Variants in KMT5C observed in about 807,000 individuals in gnomAD.
KMT5C encodes histone-lysine N-methyltransferase KMT5C.
KMT5C carries 16 observed loss-of-function variants against 38.2 expected under a neutral mutation model. The observed-to-expected ratio is 0.42, with a 90% CI of 0.28 to 0.64. The LOEUF (loss-of-function observed/expected upper bound fraction) is 0.64, where lower values mean the gene tolerates loss of function less well. Ranked by LOEUF, KMT5C falls within the 30% of genes least tolerant of loss-of-function variation. The probability of loss-of-function intolerance (pLI) is 0.23; values close to 1 mark genes in which losing one functional copy is unlikely to be tolerated. For synonymous variants in KMT5C, 291 were observed against 279.0 expected (o/e 1.04, Z -0.43); for missense variants, 598 against 665.1 (o/e 0.90, Z 1.11).
rs376228080 is a variant in KMT5C, at chr19:55,346,991, G to A, written c.931G>A (p.Ala311Thr). 2.1e-5 allele frequency: 25 copies of A among 1,209,466 alleles called. No individual in the cohort carries two copies. Among genetic ancestry groups the A allele is most frequent in the Middle Eastern group, 2.5e-4 (1 of 3,932 alleles). 74.9% of individuals were successfully genotyped at this position (1,209,466 alleles called of 1,614,324 possible). ...CQPLRLPACS[A>T]RPDTSPLWLQ... ...GCCCCTGCGCCTGCCAGCCTGCAGC[G>A]CCCGCCCAGACACCTCACCCCTCTG... Residue 311 changes from alanine to threonine, a missense_variant, in exon 9 of 9, where the codon GCC (alanine) becomes ACC (threonine). Ala to Thr is a moderately conservative substitution (Grantham distance 58, BLOSUM62 0). This residue lies in a region of KMT5C where 326 missense variants were observed against 298.1 expected (regional missense o/e 1.09). Transcript: ENST00000255613.
In KMT5C at chr19:55,347,632, G is replaced by A. The variant is rs906046269; in HGVS notation, c.*183G>A. 3 of 1,027,160 alleles carry A rather than the reference G, an allele frequency of 2.9e-6. No homozygotes were observed. Among genetic ancestry groups the A allele is most frequent in the African/African-American group, 3.4e-5 (2 of 59,280 alleles). The allele number at this position is 1,027,160 out of a possible 1,614,324, so 63.6% of individuals were successfully genotyped here. On this transcript the variant is annotated 3_prime_UTR_variant, in exon 9 of 9. Coordinates refer to ENST00000255613, the MANE Select transcript of KMT5C (RefSeq NM_032701.4). The surrounding 1 kb of genome is among the most constrained non-coding windows in gnomAD (Gnocchi z 4.6). ...ATCTGAGCCCTGACCCTTTGTGACTGCTGACCCCTGAGCCACCCCCACTCC... is the reference window on the plus strand; with the variant it reads ...ATCTGAGCCCTGACCCTTTGTGACTACTGACCCCTGAGCCACCCCCACTCC...
Position 55,347,158 on chromosome 19 carries a change from C to G in KMT5C, c.1098C>G (p.Cys366Trp). 2 of 1,536,628 alleles carry G rather than the reference C, an allele frequency of 1.3e-6. No individual in the cohort carries two copies. Among genetic ancestry groups the G allele is most frequent in the Non-Finnish European group, 1.7e-6 (2 of 1,147,112 alleles). The change falls in exon 9 of 9, where the codon TGC becomes TGG. Residue 366 changes from cysteine (C) to tryptophan (W), a missense_variant. This residue lies in a region of KMT5C where 326 missense variants were observed against 298.1 expected (regional missense o/e 1.09). Transcript: ENST00000255613. The surrounding 1 kb of genome is among the most constrained non-coding windows in gnomAD (Gnocchi z 4.6). ...LHRWGGCGPH[C>W]RLRGEALVAL... ...GATGGGGAGGCTGTGGCCCCCACTGCCGCCTGCGAGGAGAGGCCCTGGTGG... is the reference window on the plus strand; with the variant it reads ...GATGGGGAGGCTGTGGCCCCCACTGGCGCCTGCGAGGAGAGGCCCTGGTGG...
intron 6 of KMT5C, 61 bp from the exon 7 acceptor site, chr19:55,346,152 G>C: frequency 6.2e-7 from 1 of 1,603,624 alleles, no homozygotes; most frequent in South Asian, 1.1e-5. Context: ...GCCAGGTGTG[G>C]GGAGTGGGTG....
chr19:55,343,219 G>T lies in KMT5C; in HGVS notation c.386+368G>T, dbSNP rs1186444734. The T allele has an allele frequency of 1.3e-5, 4 of 309,988 alleles. No homozygotes were observed. The highest frequency in any genetic ancestry group is 2.1e-5 in the African/African-American group (1 of 46,786). The allele number at this position is 309,988 out of a possible 1,614,324, so 19.2% of individuals were successfully genotyped here. A position where few individuals can be genotyped will look rare whatever the true frequency, so the allele number is the denominator to read the frequency against. On this transcript the variant is annotated intron_variant, in intron 4 of 8. Coordinates refer to ENST00000255613, the MANE Select transcript of KMT5C (RefSeq NM_032701.4). This position sits in a 1 kb window ranked among gnomAD's most constrained non-coding sequence, Gnocchi z 5.5. The stretch of plus-strand genomic sequence containing the variant: ...GGGGTTCACAGTCTGGTGAGGAGGT[G>T]GGGGGCAGACAAGTCAACATGCAGT...
At chr19:55,342,173 G>A in intron 2 of KMT5C, 42 bp from the exon 3 acceptor site, 2 of 1,598,200 alleles carry the variant, frequency 1.3e-6, no homozygotes, top group Non-Finnish European at 1.7e-6. Context: ...TGGGGCCGGG[G>A]CCCGGGAAGG....
In KMT5C at chr19:55,343,438, C is replaced by CG. The variant is rs1234958628; in HGVS notation, c.387-242_387-241insG. 5.3e-6 allele frequency: 3 copies of CG among 568,544 alleles called. No individual in the cohort carries two copies. Among genetic ancestry groups the CG allele is most frequent in the Non-Finnish European group, 9.5e-6 (3 of 317,284 alleles). 35.2% of individuals were successfully genotyped at this position (568,544 alleles called of 1,614,324 possible). A position where few individuals can be genotyped will look rare whatever the true frequency, so the allele number is the denominator to read the frequency against. On this transcript the variant is annotated intron_variant, in intron 4 of 8. Coordinates refer to ENST00000255613, the MANE Select transcript of KMT5C (RefSeq NM_032701.4). This position sits in a 1 kb window ranked among gnomAD's most constrained non-coding sequence, Gnocchi z 5.5. Reference sequence around the variant, plus strand: ...GGGGAGAGAATGGGGGCTGTATCTGCTGTGTGCGTGCTGCCCTGAAGGCTT... The same window carrying CG: ...GGGGAGAGAATGGGGGCTGTATCTGCGTGTGTGCGTGCTGCCCTGAAGGCTT...
Position 55,343,184 on chromosome 19 carries a change from C to A in KMT5C, c.386+333C>A. The A allele has an allele frequency of 5.6e-6, 2 of 359,412 alleles. No individual in the cohort carries two copies. Among genetic ancestry groups the A allele is most frequent in the Non-Finnish European group, 1.0e-5 (2 of 192,190 alleles). The allele number at this position is 359,412 out of a possible 1,614,324, so 22.3% of individuals were successfully genotyped here. On this transcript the variant is annotated intron_variant, in intron 4 of 8. Transcript: ENST00000255613. The surrounding 1 kb of genome is among the most constrained non-coding windows in gnomAD (Gnocchi z 5.5). ...TGAGTGCAATGAGGAGCCCCTGCCC[C>A]TGCCCCTGCGGGGTTCACAGTCTGG...
rs1459338899 is a variant in KMT5C at position 55,347,148 on chromosome 19, G to T, written c.1088G>T (p.Gly363Val). 6.5e-7 allele frequency: 1 copy of T among 1,537,452 alleles called. No individual in the cohort carries two copies. Among genetic ancestry groups the T allele is most frequent in the East Asian group, 2.4e-5 (1 of 41,070 alleles). ...RVSLHRWGGC[G>V]PHCRLRGEAL... ...TCCCTGCACCGATGGGGAGGCTGTG[G>T]CCCCCACTGCCGCCTGCGAGGAGAG... Residue 363 changes from glycine to valine, a missense_variant, in exon 9 of 9, where the codon GGC (glycine) becomes GTC (valine). Gly to Val is a moderately radical substitution (Grantham distance 109). Around this residue, in one of 3 missense-constraint regions of KMT5C, gnomAD observed 326 missense variants for 298.1 expected, o/e 1.09. Transcript: ENST00000255613. This position sits in a 1 kb window ranked among gnomAD's most constrained non-coding sequence, Gnocchi z 4.6.
Position 55,343,236 on chromosome 19 carries a change from A to T in KMT5C, c.386+385A>T. 1 of 307,712 alleles carries T rather than the reference A, an allele frequency of 3.2e-6. No individual in the cohort carries two copies. The highest frequency in any genetic ancestry group is 6.2e-6 in the Non-Finnish European group (1 of 160,312). 19.1% of individuals were successfully genotyped at this position (307,712 alleles called of 1,614,324 possible). A position where few individuals can be genotyped will look rare whatever the true frequency, so the allele number is the denominator to read the frequency against. On this transcript the variant is annotated intron_variant, in intron 4 of 8. Coordinates refer to ENST00000255613, the MANE Select transcript of KMT5C (RefSeq NM_032701.4). This position sits in a 1 kb window ranked among gnomAD's most constrained non-coding sequence, Gnocchi z 5.5. The stretch of plus-strand genomic sequence containing the variant: ...GAGGAGGTGGGGGGCAGACAAGTCA[A>T]CATGCAGTCACTGGTCCCAGCTGGT...
Position 55,347,119 on chromosome 19 carries a change from C to A in KMT5C, c.1059C>A (p.Arg353=), listed in dbSNP as rs748167872. The part of the protein sequence containing the change: ...APVLSTHHAA[R]VSLHRWGGCG... ...TGCTCTCCACCCACCACGCTGCCCG[C>A]GTCTCCCTGCACCGATGGGGAGGCT... is the stretch of plus-strand genomic sequence containing the variant. Residue 353 remains arginine, a synonymous_variant, in exon 9 of 9, where the codon CGC becomes CGA. Coordinates refer to ENST00000255613, the MANE Select transcript of KMT5C (RefSeq NM_032701.4). The surrounding 1 kb of genome is among the most constrained non-coding windows in gnomAD (Gnocchi z 4.6). The A allele has an allele frequency of 1.4e-5, 21 of 1,547,594 alleles. No individual in the cohort carries two copies. Among genetic ancestry groups the A allele is most frequent in the Non-Finnish European group, 1.7e-5 (20 of 1,153,832 alleles).
chr19:55,347,117 C>T lies in KMT5C; in HGVS notation c.1057C>T (p.Arg353Cys), dbSNP rs543807392. ...APVLSTHHAARVSLHRWGGCG... is the reference protein window; with the variant it reads ...APVLSTHHAACVSLHRWGGCG... ...AGTGCTCTCCACCCACCACGCTGCC[C>T]GCGTCTCCCTGCACCGATGGGGAGG... Residue 353 changes from arginine to cysteine, a missense_variant, in exon 9 of 9, where the codon CGC becomes TGC. Physicochemically the swap from Arg to Cys is radical, Grantham distance 180 (BLOSUM62 -3). Transcript: ENST00000255613. This position sits in a 1 kb window ranked among gnomAD's most constrained non-coding sequence, Gnocchi z 4.6. The T allele has an allele frequency of 6.1e-5, 94 of 1,549,842 alleles. No individual in the cohort carries two copies. In the African/African-American group the frequency reaches 8.1e-4, roughly 13 times the overall value.
rs2089583646 is a variant in KMT5C at position 55,343,467 on chromosome 19, G to C, written c.387-213G>C. The C allele has an allele frequency of 1.7e-6, 1 of 595,796 alleles. No homozygotes were observed. Among genetic ancestry groups the C allele is most frequent in the South Asian group, 2.0e-5 (1 of 50,184 alleles). The allele number at this position is 595,796 out of a possible 1,614,324, so 36.9% of individuals were successfully genotyped here. On this transcript the variant is annotated intron_variant, in intron 4 of 8. Coordinates refer to ENST00000255613, the MANE Select transcript of KMT5C (RefSeq NM_032701.4). This position sits in a 1 kb window ranked among gnomAD's most constrained non-coding sequence, Gnocchi z 5.5. ...GTGCGTGCTGCCCTGAAGGCTTTCA[G>C]TAGAAGGGTCCTGTGGGGCTGTGGG...
At chr19:55,342,998 C>T (rs1051823522) in intron 4 of KMT5C, 147 bp downstream of exon 4, 13 of 630,202 alleles carry the variant, frequency 2.1e-5, no homozygotes, top group Non-Finnish European at 3.8e-5. Context: ...TGGGGCTAAT[C>T]CCGGAAGACC....
At position 55,343,044 on chromosome 19, in the gene KMT5C, C is replaced by T; in HGVS notation, c.386+193C>T. The T allele has an allele frequency of 1.7e-6, 1 of 575,456 alleles. No homozygotes were observed. The highest frequency in any genetic ancestry group is 2.9e-5 in the East Asian group (1 of 34,268). The allele number at this position is 575,456 out of a possible 1,614,324, so 35.6% of individuals were successfully genotyped here. On this transcript the variant is annotated intron_variant, in intron 4 of 8. Transcript: ENST00000255613. The surrounding 1 kb of genome is among the most constrained non-coding windows in gnomAD (Gnocchi z 5.5). ...CCGTGGTGCCGCTGGAGCAGGAGAC[C>T]CCGGATGTGACCCCAGGGTTCCTGG...
chr19:55,342,412 C>T lies in KMT5C; in HGVS notation c.276+32C>T, dbSNP rs763110937. The stretch of plus-strand genomic sequence containing the variant: ...GCGCCCTCCCCTCCCCCGCCCTCAC[C>T]GCGTGTCCTCCCCGCTCACCGGGCC... On this transcript the variant is annotated intron_variant, in intron 3 of 8. Transcript: ENST00000255613. 1.3e-5 allele frequency: 19 copies of T among 1,423,112 alleles called. No individual in the cohort carries two copies. The Middle Eastern group carries it at 9.8e-4, about 73-fold the overall frequency. 88.2% of individuals were successfully genotyped at this position (1,423,112 alleles called of 1,614,324 possible).
rs754747560 is a variant in KMT5C at position 55,347,355 on chromosome 19, C to T, written c.1295C>T (p.Ala432Val). 8 of 1,579,556 alleles carry T rather than the reference C, an allele frequency of 5.1e-6. No homozygotes were observed. The African/African-American group carries it at 9.4e-5, about 19-fold the overall frequency. ...TPGPILIPKQ[A>V]LAFAPFSPPK... ...GGCCCCATCCTGATCCCGAAGCAGG[C>T]CCTCGCCTTCGCCCCCTTCTCCCCA... Residue 432 changes from alanine (A) to valine (V), a missense_variant, in exon 9 of 9, where the codon GCC becomes GTC. Ala to Val is a moderately conservative substitution (Grantham distance 64). Transcript: ENST00000255613. The surrounding 1 kb of genome is among the most constrained non-coding windows in gnomAD (Gnocchi z 4.6).
intron 6 of KMT5C, 86 bp from the exon 7 acceptor site, chr19:55,346,127 G>C (rs576103501): frequency 9.1e-6 from 14 of 1,545,138 alleles, no homozygotes; most frequent in Non-Finnish European, 7.1e-6. Flanking sequence ...AGGACGCTCC[G>C]GGCCAGGGTG....
chr19:55,346,656 C>A lies in KMT5C; in HGVS notation c.864C>A (p.His288Gln). ...TGCTGGGCCCTCGGGCCTGCGTGCA[C>A]CCATCCCCGCTGCGCCGGGACCCAT... ...QGLLGPRACV[H>Q]PSPLRRDPFC... Residue 288 changes from histidine to glutamine, a missense_variant, in exon 8 of 9, where the codon CAC becomes CAA. By Grantham distance (24) the His-to-Gln change is conservative. Transcript: ENST00000255613. 6.3e-7 allele frequency: 1 copy of A among 1,575,592 alleles called. No individual in the cohort carries two copies. Among genetic ancestry groups the A allele is most frequent in the Non-Finnish European group, 8.6e-7 (1 of 1,161,490 alleles).
Position 55,341,961 on chromosome 19 carries a change from C to T in KMT5C, c.25C>T (p.Arg9Ter), listed in dbSNP as rs1357237893. The change falls in exon 2 of 9, where the codon CGA becomes TGA. Residue 9 changes from arginine (R) to a stop codon, truncating the protein, a stop_gained. Coordinates refer to ENST00000255613, the MANE Select transcript of KMT5C (RefSeq NM_032701.4). LOFTEE classifies it high-confidence loss of function. ...CATGGGGCCCGACAGAGTGACAGCA[C>T]GAGAACTGTGCGAGAACGACGACCT... MGPDRVTA[R>*]ELCENDDLAT... 3 of 1,613,604 alleles carry T rather than the reference C, an allele frequency of 1.9e-6. No homozygotes were observed. The highest frequency in any genetic ancestry group is 1.1e-5 in the South Asian group (1 of 91,088).
Sources: allele counts gnomAD v4.1 joint callset, GRCh38; gene constraint gnomAD v4.1.1; regional missense constraint gnomAD v4.1.1; non-coding constraint Gnocchi (gnomAD v3.1); transcripts MANE v1.5; gene names NCBI Gene and HGNC (gene_info 2026-07-23, HGNC 2026-07-21).